NELL1: variants seen among roughly 807,000 people sequenced by gnomAD.
The protein encoded by NELL1 is neural EGFL like 1, also known as protein kinase C-binding protein NELL1.
In NELL1, 76 loss-of-function variants were observed where a neutral mutation model predicts 107.4. That is an observed-to-expected ratio of 0.71 (90% confidence interval 0.59 to 0.86). The LOEUF is 0.86. NELL1 is among the 40% of genes least tolerant of loss of function. The pLI, the probability that NELL1 is intolerant of heterozygous loss-of-function variation, is 0.00. For missense variants in NELL1, 1,024 were observed against 1,005.5 expected (o/e 1.02, Z -0.25); for synonymous variants, 353 against 341.2 (o/e 1.03, Z -0.38).
intron 12 of NELL1, among the ~76,000 whole-genome samples, chr11:21,094,237 C>T (rs1173961717): frequency 6.6e-6 from 1 of 152,242 alleles, no homozygotes; most frequent in Non-Finnish European, 1.5e-5. Flanking sequence ...TCTCCTTGGA[C>T]TCCATGTCTC....
At chr11:21,043,518 G>C (rs1371355659) in intron 12 of NELL1, among the ~76,000 whole-genome samples, 9 of 152,094 alleles carry the variant, frequency 5.9e-5, no homozygotes, top group Non-Finnish European at 1.2e-4. Flanking sequence ...AGGTCCATGG[G>C]CTATGTTAAG....
At chr11:21,560,153 G>C (rs754096083) in intron 16 of NELL1, 36 bp from the exon 17 acceptor site, 5 of 1,595,952 alleles carry the variant, frequency 3.1e-6, no homozygotes, top group African/African-American at 1.3e-5. Context: ...AGTTCCCTTG[G>C]CTAGATTCTA....
intron 15 of NELL1, among the ~76,000 whole-genome samples, chr11:21,500,749 G>A (rs75473969): frequency 8.5e-5 from 13 of 152,144 alleles, no homozygotes; most frequent in South Asian, 2.1e-4. Flanking sequence ...CAAACCCTTC[G>A]TAAAGTTTGT....
intron 12 of NELL1, among the ~76,000 whole-genome samples, chr11:21,000,561 T>G (rs565504807): frequency 2.0e-5 from 3 of 152,292 alleles, no homozygotes; most frequent in Non-Finnish European, 4.4e-5. Context: ...TAAGTCACTT[T>G]CAAAGTCTCA....
rs531172030 is a variant in NELL1 at position 20,848,829 on chromosome 11, C to T, written c.506+1076C>T. On this transcript the variant is annotated intron_variant, in intron 4 of 19. Coordinates refer to ENST00000357134, the MANE Select transcript of NELL1 (RefSeq NM_006157.5). ...TTAGAAGAGTTGGAAGGGCAGGGAA[C>T]TGTTGTCAGGCTCAAGGGAAGGTTT... Among the ~76,000 whole-genome samples, 11 of 152,296 alleles carry T rather than the reference C, an allele frequency of 7.2e-5. No individual in the cohort carries two copies. In the South Asian group the frequency reaches 2.3e-3, roughly 32 times the overall value.
chr11:20,706,816 TC>T (rs1388184993), intron 2 of NELL1, among the ~76,000 whole-genome samples: 1 of 152,218 alleles, frequency 6.6e-6, no homozygotes, highest in Non-Finnish European at 1.5e-5. Flanking sequence ...TAATATTTTT[TC>T]CTTCATTTCA....
At chr11:21,056,374 G>GTAC (rs1317623721) in intron 12 of NELL1, among the ~76,000 whole-genome samples, 1 of 152,136 alleles carries the variant, frequency 6.6e-6, no homozygotes, top group African/African-American at 2.4e-5. Flanking sequence ...GGGTAAAGAG[G>GTAC]TACTGTAGCA....
intron 13 of NELL1, among the ~76,000 whole-genome samples, chr11:21,134,053 A>G (rs1408663591): frequency 1.3e-5 from 2 of 152,242 alleles, no homozygotes; most frequent in Non-Finnish European, 2.9e-5. Flanking sequence ...TGGGAACTAA[A>G]TGCCAGAAGA....
At chr11:20,950,361 G>A (rs1851046267) in intron 11 of NELL1, among the ~76,000 whole-genome samples, 1 of 152,176 alleles carries the variant, frequency 6.6e-6, no homozygotes, top group Non-Finnish European at 1.5e-5. Context: ...CAATACAGAT[G>A]AGTTCAAAAG....
intron 14 of NELL1, among the ~76,000 whole-genome samples, chr11:21,340,361 C>A (rs1195439304): frequency 6.6e-6 from 1 of 152,088 alleles, no homozygotes. Context: ...ACAGTGTTAG[C>A]CAAGATGGTC....
chr11:21,133,300 A>T (rs1469650262), intron 13 of NELL1, among the ~76,000 whole-genome samples: 1 of 152,124 alleles, frequency 6.6e-6, no homozygotes, highest in South Asian at 2.1e-4. Context: ...AGGTCCATGG[A>T]TGGGCCAAGA....
chr11:21,152,816 A>G (rs556443102), intron 13 of NELL1, among the ~76,000 whole-genome samples: 1 of 152,226 alleles, frequency 6.6e-6, no homozygotes, highest in East Asian at 1.9e-4. Flanking sequence ...TCATCTTTGT[A>G]TTCTTTTCTT....
intron 15 of NELL1, among the ~76,000 whole-genome samples, chr11:21,482,798 T>G (rs1490001114): frequency 7.0e-6 from 1 of 143,374 alleles, no homozygotes; most frequent in Non-Finnish European, 1.5e-5. Context: ...TGCCTTTCCT[T>G]TTGTTTGTTT....
At chr11:20,756,135 C>A (rs1288981030) in intron 2 of NELL1, among the ~76,000 whole-genome samples, 3 of 147,904 alleles carry the variant, frequency 2.0e-5, no homozygotes, top group African/African-American at 5.0e-5. Context: ...CTGCCTCGGC[C>A]CCCCAAAGTG....
At chr11:21,533,784 C>A (rs978265533) in intron 15 of NELL1, among the ~76,000 whole-genome samples, 1 of 152,120 alleles carries the variant, frequency 6.6e-6, no homozygotes, top group Non-Finnish European at 1.5e-5. Flanking sequence ...GTGTTCCCCA[C>A]AACACTAGTT....
chr11:20,689,223 G>T (rs1462491310), intron 2 of NELL1, among the ~76,000 whole-genome samples: 1 of 151,898 alleles, frequency 6.6e-6, no homozygotes, highest in Non-Finnish European at 1.5e-5. Context: ...CATTGTGTAT[G>T]CTGCCTGTTT....
At chr11:20,781,917 C>A (rs972945305) in intron 2 of NELL1, among the ~76,000 whole-genome samples, 1 of 148,784 alleles carries the variant, frequency 6.7e-6, no homozygotes, top group African/African-American at 2.5e-5. Context: ...TGGCACACAC[C>A]TGTGGTCCCA....
At chr11:20,960,385 C>A (rs755934977) in intron 11 of NELL1, 47 bp from the exon 12 acceptor site, 2 of 1,594,080 alleles carry the variant, frequency 1.3e-6, no homozygotes, top group Admixed American at 3.4e-5. Flanking sequence ...TGGGGAGTTA[C>A]TTTATTTCCT....
intron 16 of NELL1, among the ~76,000 whole-genome samples, chr11:21,538,888 TG>T (rs375987879): frequency 4.5e-4 from 68 of 152,266 alleles, no homozygotes; most frequent in African/African-American, 1.5e-3. Context: ...TATTTTCCTT[TG>T]TTCTCTCATA....
Sources: allele counts gnomAD v4.1 joint callset (sites outside exome capture counted in the v4.1 genomes callset), GRCh38; gene constraint gnomAD v4.1.1; transcripts MANE v1.5; gene names NCBI Gene and HGNC (gene_info 2026-07-23, HGNC 2026-07-21).